The following TOR1AIP1 variants were observed in gnomAD, a reference collection of about 807,000 sequenced individuals.
TOR1AIP1 encodes the protein torsin 1A interacting protein 1.
In TOR1AIP1, 54 loss-of-function variants were observed where a neutral mutation model predicts 63.3. The ratio of observed to expected loss-of-function variants is 0.85; its 90% CI spans 0.69 to 1.07. The LOEUF (loss-of-function observed/expected upper bound fraction) is 1.07, where lower values mean the gene tolerates loss of function less well. Among genes scored for constraint, TOR1AIP1 ranks in the 50% least tolerant of loss-of-function variants. The pLI, the probability that TOR1AIP1 is intolerant of heterozygous loss-of-function variation, is 0.00. For synonymous variants in TOR1AIP1, 294 were observed against 273.5 expected (o/e 1.07, Z -0.74); for missense variants, 736 against 715.0 (o/e 1.03, Z -0.33).
At position 179,882,457 on chromosome 1, in the gene TOR1AIP1, G is replaced by A. The variant is rs544403050; in HGVS notation, c.-46G>A. 15 of 1,404,896 alleles carry A rather than the reference G, an allele frequency of 1.1e-5. No individual in the cohort carries two copies. In the Admixed American group the frequency reaches 2.0e-4, roughly 19 times the overall value. The allele number at this position is 1,404,896 out of a possible 1,614,324, so 87.0% of individuals were successfully genotyped here. ...GCCACCACCGGCAGGAGAACCTAGG[G>A]TCCATAAAGCCATCTTCGCGATCGA... is the stretch of plus-strand genomic sequence containing the variant. On this transcript the variant is annotated 5_prime_UTR_variant, in exon 1 of 10. Coordinates refer to ENST00000606911, the MANE Select transcript of TOR1AIP1 (RefSeq NM_015602.4).
intron 1 of TOR1AIP1, among the ~76,000 whole-genome samples, chr1:179,883,251 G>A (rs549439069): frequency 6.6e-6 from 1 of 152,228 alleles, no homozygotes; most frequent in Non-Finnish European, 1.5e-5. Context: ...TCAATTTAGG[G>A]GAGTCAGAGC....
At chr1:179,905,457 T>G (rs1275617235) in intron 6 of TOR1AIP1, among the ~76,000 whole-genome samples, 1 of 152,174 alleles carries the variant, frequency 6.6e-6, no homozygotes, top group Non-Finnish European at 1.5e-5. Flanking sequence ...AATTTTATAT[T>G]TTTTATTTTA....
At chr1:179,891,905 G>A (rs545498078) in intron 3 of TOR1AIP1, among the ~76,000 whole-genome samples, 2 of 152,212 alleles carry the variant, frequency 1.3e-5, no homozygotes, top group African/African-American at 2.4e-5. Flanking sequence ...CGTTGTTCAC[G>A]GCGAGTTCAG....
intron 6 of TOR1AIP1, among the ~76,000 whole-genome samples, chr1:179,906,862 C>T (rs1374163209): frequency 1.3e-5 from 2 of 150,950 alleles, no homozygotes; most frequent in East Asian, 2.0e-4. Context: ...CTCAGCCTCC[C>T]GAGTAGCTGG....
intron 3 of TOR1AIP1, among the ~76,000 whole-genome samples, chr1:179,890,686 C>G (rs1648049323): frequency 6.6e-6 from 1 of 152,144 alleles, no homozygotes; most frequent in Non-Finnish European, 1.5e-5. Flanking sequence ...CAGCCTCCTC[C>G]TCCTATTGTA....
intron 3 of TOR1AIP1, among the ~76,000 whole-genome samples, chr1:179,893,007 G>A (rs1449878198): frequency 1.3e-5 from 2 of 152,112 alleles, no homozygotes; most frequent in Non-Finnish European, 2.9e-5. Context: ...TTGGGAGGCC[G>A]AGGCGGGTGG....
chr1:179,897,199 A>G (rs1571728205), intron 3 of TOR1AIP1, among the ~76,000 whole-genome samples: 3 of 152,364 alleles, frequency 2.0e-5, no homozygotes, highest in Admixed American at 2.0e-4. Context: ...AAGTGTTGAA[A>G]AATGGATAGA....
chr1:179,890,105 C>T (rs1032030497), intron 3 of TOR1AIP1, among the ~76,000 whole-genome samples: 15 of 152,230 alleles, frequency 9.9e-5, no homozygotes, highest in African/African-American at 3.6e-4. Flanking sequence ...GGACTTTATT[C>T]TTCCAGTATA....
At chr1:179,900,192 A>AATAT in intron 4 of TOR1AIP1, 25 bp downstream of exon 4, 1 of 1,479,714 alleles carries the variant, frequency 6.8e-7, no homozygotes, top group South Asian at 1.2e-5. Context: ...AATATCATAT[A>AATAT]ATATATACTT....
Position 179,918,204 on chromosome 1 carries a change from C to A in TOR1AIP1, c.1717C>A (p.Pro573Thr). ...RISHLVLPVQ[P>T]ENALKRGICL Reference sequence around the variant, plus strand: ...TTCTCACTTAGTTCTGCCTGTGCAACCTGAAAATGCCCTGAAAAGGGGCAT... The same window carrying A: ...TTCTCACTTAGTTCTGCCTGTGCAAACTGAAAATGCCCTGAAAAGGGGCAT... Residue 573 changes from proline (P) to threonine (T), a missense_variant, in exon 10 of 10, where the codon CCT (proline) becomes ACT (threonine). By Grantham distance (38) the Pro-to-Thr change is conservative (BLOSUM62 -1). Around this residue, in one of 2 missense-constraint regions of TOR1AIP1, gnomAD observed 272 missense variants for 344.1 expected, o/e 0.79. Transcript: ENST00000606911. 1 of 1,605,810 alleles carries A rather than the reference C, an allele frequency of 6.2e-7. No individual in the cohort carries two copies. The highest frequency in any genetic ancestry group is 8.5e-7 in the Non-Finnish European group (1 of 1,179,260).
Position 179,882,954 on chromosome 1 carries a change from T to C in TOR1AIP1, c.452T>C (p.Leu151Pro), listed in dbSNP as rs373049289. The C allele has an allele frequency of 2.3e-5, 37 of 1,613,040 alleles. No individual in the cohort carries two copies. The African/African-American group carries it at 4.5e-4, about 20-fold the overall frequency. Residue 151 changes from leucine to proline, a missense_variant, in exon 1 of 10, where the codon CTG (leucine) becomes CCG (proline). Physicochemically the swap from Leu to Pro is moderately conservative, Grantham distance 98. Around this residue, in one of 2 missense-constraint regions of TOR1AIP1, gnomAD observed 464 missense variants for 371.0 expected, o/e 1.25. Transcript: ENST00000606911. The stretch of plus-strand genomic sequence containing the variant: ...TCTCCTGTTATGACCAGGAGAGGGC[T>C]GCGGGACTCTCATTCCTCTGAAGGT... ...QPSPVMTRRG[L>P]RDSHSSEEDE... is the part of the protein sequence containing the mutation.
Position 179,911,429 on chromosome 1 carries a change from C to T in TOR1AIP1, c.908-2569C>T, listed in dbSNP as rs117024049. Among the ~76,000 whole-genome samples the T allele has an allele frequency of 3.9e-5, 6 of 152,326 alleles. No individual in the cohort carries two copies. The East Asian group carries it at 7.7e-4, about 20-fold the overall frequency. On this transcript the variant is annotated intron_variant, in intron 8 of 9. Transcript: ENST00000606911. Reference sequence around the variant, plus strand: ...TACCCCATGGAACATTGTCACCCGACGTTAGCAACAGTTTCCTGTAGACAG... The same window carrying T: ...TACCCCATGGAACATTGTCACCCGATGTTAGCAACAGTTTCCTGTAGACAG...
rs1649091690 is a variant in TOR1AIP1, at chr1:179,918,394, A to G, written c.*155A>G. 1 of 694,912 alleles carries G rather than the reference A, an allele frequency of 1.4e-6. No individual in the cohort carries two copies. Among genetic ancestry groups the G allele is most frequent in the Non-Finnish European group, 2.3e-6 (1 of 429,214 alleles). The allele number at this position is 694,912 out of a possible 1,614,324, so 43.0% of individuals were successfully genotyped here. ...CATGGAACATATAAATCATTCATTCAACCTAATTATCTGTGATATGAGAGA... is the reference window on the plus strand; with the variant it reads ...CATGGAACATATAAATCATTCATTCGACCTAATTATCTGTGATATGAGAGA... On this transcript the variant is annotated 3_prime_UTR_variant, in exon 10 of 10. Transcript: ENST00000606911.
intron 8 of TOR1AIP1, chr1:179,913,682 A>G (rs542040226): frequency 1.2e-4 from 86 of 701,720 alleles, no homozygotes; most frequent in South Asian, 1.0e-3. Flanking sequence ...TGTCCTTTTT[A>G]TCCCGGAAGT....
chr1:179,894,432 A>T (rs1334735073), intron 3 of TOR1AIP1, among the ~76,000 whole-genome samples: 1 of 152,050 alleles, frequency 6.6e-6, no homozygotes, highest in Admixed American at 6.6e-5. Context: ...CATGCCTGTA[A>T]TCCCAGCACT....
chr1:179,907,757 T>A (rs1225738006), intron 6 of TOR1AIP1, 66 bp from the exon 7 acceptor site: 7 of 1,288,932 alleles, frequency 5.4e-6, no homozygotes, highest in Non-Finnish European at 7.5e-6. Flanking sequence ...GCAAAATGTC[T>A]GTGCAACATC....
chr1:179,894,214 G>T (rs912227493), intron 3 of TOR1AIP1, among the ~76,000 whole-genome samples: 2 of 147,542 alleles, frequency 1.4e-5, no homozygotes, highest in Admixed American at 6.8e-5. Context: ...TCCCGCCACC[G>T]CACTCCAGCC....
chr1:179,884,884 CAA>C (rs1647868913), intron 2 of TOR1AIP1, 115 bp downstream of exon 2: 4 of 696,296 alleles, frequency 5.7e-6, no homozygotes, highest in Non-Finnish European at 4.7e-6. Context: ...CGTGAGTACT[CAA>C]GAGTACCAGC....
intron 9 of TOR1AIP1, among the ~76,000 whole-genome samples, chr1:179,916,186 GTA>G (rs1394578117): frequency 6.6e-6 from 1 of 152,150 alleles, no homozygotes; most frequent in African/African-American, 2.4e-5. Context: ...GACTACACTC[GTA>G]CAGTTTGGTG....
Sources: gnomAD v4.1 joint callset for allele counts (sites outside exome capture counted in the v4.1 genomes callset) on GRCh38, gnomAD v4.1.1 for gene constraint, gnomAD v4.1.1 regional missense constraint, MANE v1.5 for transcripts, NCBI Gene and HGNC (gene_info 2026-07-23, HGNC 2026-07-21) for gene names.